Variants in CYREN observed in about 807,000 individuals in gnomAD.
The protein encoded by CYREN is cell cycle regulator of NHEJ, also known as cell cycle regulator of non-homologous end joining.
A neutral mutation model predicts 9.7 loss-of-function variants in CYREN; 7 were observed. The ratio of observed to expected loss-of-function variants is 0.72; its 90% confidence interval spans 0.41 to 1.36. The LOEUF is 1.36. CYREN is among the 40% of genes most tolerant of loss of function. The probability of loss-of-function intolerance (pLI) is 0.01; values close to 1 mark genes in which losing one functional copy is unlikely to be tolerated. For synonymous variants in CYREN, 76 were observed against 77.9 expected, an observed-to-expected ratio of 0.98 and a Z score of 0.13; for missense variants, 215 against 198.1, an observed-to-expected ratio of 1.09 and a Z score of -0.51.
At chr7:135,104,912 A>G (rs1824426124) in intron 2 of CYREN, among the ~76,000 whole-genome samples, 1 of 151,868 alleles carries the variant, frequency 6.6e-6, no homozygotes, top group African/African-American at 2.4e-5. Flanking sequence ...TGCTGTGCAG[A>G]AGCTCTTAAG....
chr7:135,120,870 C>T (rs1005179330), intron 2 of CYREN, among the ~76,000 whole-genome samples: 2 of 152,084 alleles, frequency 1.3e-5, no homozygotes, highest in Non-Finnish European at 2.9e-5. Flanking sequence ...TTTAAAAGGT[C>T]AATCCACTAG....
intron 2 of CYREN, among the ~76,000 whole-genome samples, chr7:135,136,329 G>A (rs1387895465): frequency 6.6e-6 from 1 of 152,012 alleles, no homozygotes; most frequent in African/African-American, 2.4e-5. Flanking sequence ...TCCAAGGAGA[G>A]CCCACTGCAC....
At chr7:135,129,415 T>C in intron 2 of CYREN, 1 of 799,890 alleles carries the variant, frequency 1.3e-6, no homozygotes. Context: ...GATAAGAGGG[T>C]GATTCAGAAG....
chr7:135,115,246 G>T (rs117730477), intron 2 of CYREN: 705 of 563,350 alleles, frequency 1.3e-3, no homozygotes, highest in Non-Finnish European at 1.8e-3. Flanking sequence ...TTTATTTTCT[G>T]CCCACTGTCA....
chr7:135,106,917 C>T (rs1004107282), intron 2 of CYREN, among the ~76,000 whole-genome samples: 1 of 152,070 alleles, frequency 6.6e-6, no homozygotes, highest in Non-Finnish European at 1.5e-5. Context: ...TTCAGGGAAT[C>T]GATTTCTTCC....
downstream of CYREN, among the ~76,000 whole-genome samples, chr7:135,162,880 G>T (rs1220404309): frequency 3.3e-5 from 5 of 152,166 alleles, no homozygotes; most frequent in African/African-American, 2.4e-5. Context: ...GGAGTGAAAA[G>T]AATTTTTTAA....
intron 2 of CYREN, chr7:135,100,114 C>G (rs1823587007): frequency 6.6e-6 from 1 of 151,228 alleles, no homozygotes; most frequent in Admixed American, 6.6e-5. Flanking sequence ...TCTCGATCTC[C>G]CGACCTCGTG....
intron 2 of CYREN, among the ~76,000 whole-genome samples, chr7:135,118,809 G>A (rs1013833813): frequency 2.0e-5 from 3 of 152,056 alleles, no homozygotes; most frequent in African/African-American, 7.2e-5. Context: ...TCAGCAGAGA[G>A]AGAGAGAAAA....
intron 2 of CYREN, among the ~76,000 whole-genome samples, chr7:135,121,721 A>T (rs1827160315): frequency 6.6e-6 from 1 of 152,186 alleles, no homozygotes; most frequent in Admixed American, 6.5e-5. Context: ...AGGTTCTCTC[A>T]TCAGAACTGA....
intron 2 of CYREN, among the ~76,000 whole-genome samples, chr7:135,152,420 C>T (rs1411032559): frequency 6.6e-6 from 1 of 152,264 alleles, no homozygotes; most frequent in East Asian, 1.9e-4. Context: ...TGCAGCCTGA[C>T]AGGCTCCATC....
At chr7:135,101,347 C>G (rs2117030286) in intron 2 of CYREN, 1 of 423,572 alleles carries the variant, frequency 2.4e-6, no homozygotes, top group South Asian at 1.7e-5. Flanking sequence ...TCATCATTAA[C>G]ATATCCTATG....
downstream of CYREN, chr7:135,164,752 C>A (rs142088210): frequency 6.2e-7 from 1 of 1,614,228 alleles, no homozygotes; most frequent in Non-Finnish European, 8.5e-7. Flanking sequence ...CTCCTCCTAG[C>A]CCAGTGCAAC....
At chr7:135,158,842 T>C (rs1829859277) in intron 2 of CYREN, among the ~76,000 whole-genome samples, 1 of 152,164 alleles carries the variant, frequency 6.6e-6, no homozygotes, top group Non-Finnish European at 1.5e-5. Context: ...GCAAGAGCCA[T>C]GTCTGTAGAG....
Position 135,129,164 on chromosome 7 carries a change from C to G in CYREN, n.357-34582G>C, listed in dbSNP as rs557453947. ...ATGACTGCCTTCTCCTCCAGTCCAC[C>G]TTGGACCTGATGGCAGATGTGGTGT... On this transcript the variant is annotated intron_variant and non_coding_transcript_variant, in intron 2 of 2. Transcript: ENST00000459937. 16 of 1,459,688 alleles carry G rather than the reference C, an allele frequency of 1.1e-5. No homozygotes were observed. The African/African-American group carries it at 2.1e-4, about 19-fold the overall frequency. 90.4% of individuals were successfully genotyped at this position (1,459,688 alleles called of 1,614,324 possible).
intron 2 of CYREN, among the ~76,000 whole-genome samples, chr7:135,138,831 G>A (rs1829401475): frequency 6.6e-6 from 1 of 151,874 alleles, no homozygotes; most frequent in Non-Finnish European, 1.5e-5. Context: ...ACTTATAAGT[G>A]AGAACTTGTG....
intron 2 of CYREN, chr7:135,101,092 G>A (rs530443528): frequency 6.9e-6 from 3 of 435,660 alleles, no homozygotes; most frequent in East Asian, 7.1e-5. Flanking sequence ...CCCAAAGTAT[G>A]ACTCAGAGTC....
At chr7:135,154,677 G>C (rs1300862684) in intron 2 of CYREN, among the ~76,000 whole-genome samples, 3 of 152,122 alleles carry the variant, frequency 2.0e-5, no homozygotes, top group African/African-American at 7.2e-5. Context: ...TCTTGGTATT[G>C]ATTTCTAGTT....
downstream of CYREN, chr7:135,165,751 C>G (rs1239083562): frequency 6.0e-6 from 1 of 167,120 alleles, no homozygotes; most frequent in Non-Finnish European, 1.5e-5. Context: ...CACTTCCCAA[C>G]CCAGAACTTG....
chr7:135,143,213 C>T (rs569556995), intron 2 of CYREN, among the ~76,000 whole-genome samples: 5 of 152,156 alleles, frequency 3.3e-5, no homozygotes, highest in African/African-American at 1.2e-4. Context: ...ATTCTAAAAA[C>T]GGACTTACTA....
Sources: gnomAD v4.1 joint callset for allele counts (sites outside exome capture counted in the v4.1 genomes callset) on GRCh38, gnomAD v4.1.1 for gene constraint, MANE v1.5 for transcripts, NCBI Gene and HGNC (gene_info 2026-07-23, HGNC 2026-07-21) for gene names.